Variants in CELSR1 observed in about 807,000 individuals in gnomAD.
CELSR1 encodes adhesion G protein-coupled receptor C1.
In CELSR1, 110 loss-of-function variants were observed where a neutral mutation model predicts 249.1. The ratio of observed to expected loss-of-function variants is 0.44; its 90% CI spans 0.38 to 0.52. The LOEUF is 0.52. CELSR1 is among the 20% of genes least tolerant of loss of function. The pLI is 0.00. For synonymous variants in CELSR1, 2,113 were observed against 1,900.0 expected, an observed-to-expected ratio of 1.11 and a Z score of -2.92; for missense variants, 4,109 against 4,296.4, an observed-to-expected ratio of 0.96 and a Z score of 1.22.
intron 1 of CELSR1, among the ~76,000 whole-genome samples, chr22:46,501,799 G>C (rs1189613347): frequency 2.6e-5 from 4 of 152,126 alleles, no homozygotes; most frequent in Non-Finnish European, 5.9e-5. Flanking sequence ...TCCCCAAAAA[G>C]AATTCCCGAA....
chr22:46,380,194 A>T lies in CELSR1; in HGVS notation c.7256+594T>A, dbSNP rs983868874. 6.6e-6 allele frequency among the ~76,000 whole-genome samples: 1 copy of T among 152,176 alleles called. No individual in the cohort carries two copies. Among genetic ancestry groups the T allele is most frequent in the Non-Finnish European group, 1.5e-5 (1 of 68,024 alleles). On this transcript the variant is annotated intron_variant, in intron 22 of 34. Transcript: ENST00000674500. This position sits in a 1 kb window ranked among gnomAD's most constrained non-coding sequence, Gnocchi z 5.1. ...GACGAAACGCCTTTCCCTCGCTTGC[A>T]TGGATGCTAGAACACAGATTCTCGC...
In CELSR1 at chr22:46,406,354, ACAC is replaced by A. The variant is rs2147310850; in HGVS notation, c.5226+2639_5226+2641del. ...GGCCAGCTGTAATCATCCCTGGCGC[ACAC>A]CACACCTTCCAGGCAATCCGAGAGG... On this transcript the variant is annotated intron_variant, in intron 9 of 34. Coordinates refer to ENST00000674500, the MANE Select transcript of CELSR1 (RefSeq NM_001378328.1). This position sits in a 1 kb window ranked among gnomAD's most constrained non-coding sequence, Gnocchi z 5.4. 6.6e-6 allele frequency among the ~76,000 whole-genome samples: 1 copy of A among 152,340 alleles called. No homozygotes were observed. Among genetic ancestry groups the A allele is most frequent in the South Asian group, 2.1e-4 (1 of 4,826 alleles).
intron 32 of CELSR1, 74 bp downstream of exon 32, chr22:46,365,157 C>G: frequency 6.5e-7 from 1 of 1,529,852 alleles, no homozygotes; most frequent in Non-Finnish European, 8.8e-7. Flanking sequence ...AGGAAGGGAC[C>G]CAGCCATAGC....
intron 2 of CELSR1, among the ~76,000 whole-genome samples, chr22:46,459,887 C>A (rs978275746): frequency 3.3e-5 from 5 of 152,082 alleles, no homozygotes; most frequent in Non-Finnish European, 5.9e-5. Context: ...GAGCAGTAAC[C>A]AGCAGAGCAG....
chr22:46,536,463 GCC>G lies in CELSR1; in HGVS notation c.706_707del (p.Gly236HisfsTer20), dbSNP rs1291160184. The G allele has an allele frequency of 6.2e-7, 1 of 1,606,720 alleles. No homozygotes were observed. Among genetic ancestry groups the G allele is most frequent in the Admixed American group, 1.7e-5 (1 of 59,488 alleles). Reference protein sequence around the residue: ...RAGPARRARRGTSGRGSLKFP... With the variant: ...RAGPARRARRXTSGRGSLKFP... ...ACTTCAGGCTCCCTCTGCCGCTCGT[GCC>G]CCGCCGGGCCCGTCGCGCCGGCCCC... On this transcript the variant is annotated frameshift_variant, in exon 1 of 35. Coordinates refer to ENST00000674500, the MANE Select transcript of CELSR1 (RefSeq NM_001378328.1). LOFTEE classifies it high-confidence loss of function.
At chr22:46,522,871 T>A (rs960278873) in intron 1 of CELSR1, among the ~76,000 whole-genome samples, 1 of 152,178 alleles carries the variant, frequency 6.6e-6, no homozygotes, top group Non-Finnish European at 1.5e-5. Context: ...CCAGGCCTCA[T>A]CTCTGGTGAA....
In CELSR1 at chr22:46,429,512, C is replaced by A. The variant is rs1176616444; in HGVS notation, c.4611+3881G>T. Among the ~76,000 whole-genome samples, 1 of 152,238 alleles carries A rather than the reference C, an allele frequency of 6.6e-6. No homozygotes were observed. The highest frequency in any genetic ancestry group is 1.5e-5 in the Non-Finnish European group (1 of 68,042). ...AAGTGCCTGCCTTTGAAAAGACCGT[C>A]CTGGAAAAACGTCCGACTCCAATGT... On this transcript the variant is annotated intron_variant, in intron 5 of 34. Coordinates refer to ENST00000674500, the MANE Select transcript of CELSR1 (RefSeq NM_001378328.1). This position sits in a 1 kb window ranked among gnomAD's most constrained non-coding sequence, Gnocchi z 4.1.
chr22:46,382,747 C>T (rs938591141), intron 20 of CELSR1, among the ~76,000 whole-genome samples: 5 of 152,160 alleles, frequency 3.3e-5, no homozygotes, highest in African/African-American at 7.2e-5. Context: ...ACAGTTGCTG[C>T]GGCGCAGGTG....
intron 1 of CELSR1, among the ~76,000 whole-genome samples, chr22:46,466,228 G>C (rs2080094971): frequency 6.6e-6 from 1 of 152,220 alleles, no homozygotes; most frequent in Admixed American, 6.5e-5. Context: ...GACGGCCTCA[G>C]AGAGTGCGTT....
chr22:46,535,637 G>A lies in CELSR1; in HGVS notation c.1534C>T (p.Leu512=), dbSNP rs779240351. Residue 512 remains leucine (L), a synonymous_variant, in exon 1 of 35, where the codon CTG becomes TTG. Coordinates refer to ENST00000674500, the MANE Select transcript of CELSR1 (RefSeq NM_001378328.1). Reference sequence around the variant, plus strand: ...TTGATCACATCCAGGATCCCGCTCAGCGAGTGCAGGTAGAACTGGCCGGCC... The same window carrying A: ...TTGATCACATCCAGGATCCCGCTCAACGAGTGCAGGTAGAACTGGCCGGCC... ...NVAGQFYLHS[L]SGILDVINPL... The A allele has an allele frequency of 1.1e-5, 17 of 1,613,256 alleles. No individual in the cohort carries two copies. Among genetic ancestry groups the A allele is most frequent in the African/African-American group, 2.7e-5 (2 of 74,944 alleles).
chr22:46,399,822 C>T lies in CELSR1; in HGVS notation c.5307G>A (p.Val1769=), dbSNP rs2079191714. ...GCAGGTGGTGCCACTCCCCGTCGGTCACCCGCAACCCGGACAGCATCACGG... is the reference window on the plus strand; with the variant it reads ...GCAGGTGGTGCCACTCCCCGTCGGTTACCCGCAACCCGGACAGCATCACGG... ...VESVMLSGLR[V]TDGEWHHLLI... is the part of the protein sequence containing the mutation. The change falls in exon 10 of 35, where the codon GTG becomes GTA. Residue 1769 remains valine, a synonymous_variant. Transcript: ENST00000674500. The surrounding 1 kb of genome is among the most constrained non-coding windows in gnomAD (Gnocchi z 5.0). 1.2e-6 allele frequency: 2 copies of T among 1,614,050 alleles called. No homozygotes were observed. The highest frequency in any genetic ancestry group is 2.7e-5 in the African/African-American group (2 of 74,924).
chr22:46,439,233 G>A lies in CELSR1; in HGVS notation c.4362C>T (p.Thr1454=), dbSNP rs866864102. Residue 1454 remains threonine (T), a synonymous_variant, in exon 3 of 35, where the codon ACC becomes ACT. Transcript: ENST00000674500. ...GGAAGCGCTGTCTCAGGCCCCGGAAGGTGACGAAGGACTGGGGCGGGAAGC... is the reference window on the plus strand; with the variant it reads ...GGAAGCGCTGTCTCAGGCCCCGGAAAGTGACGAAGGACTGGGGCGGGAAGC... The part of the protein sequence containing the change: ...TRSFPPQSFV[T]FRGLRQRFHF... 1.2e-6 allele frequency: 2 copies of A among 1,614,066 alleles called. No homozygotes were observed. Among genetic ancestry groups the A allele is most frequent in the Non-Finnish European group, 1.7e-6 (2 of 1,179,986 alleles).
chr22:46,478,852 G>A (rs1363990687), intron 1 of CELSR1, among the ~76,000 whole-genome samples: 5 of 151,638 alleles, frequency 3.3e-5, no homozygotes, highest in East Asian at 1.9e-4. Flanking sequence ...GTGCCCAGCC[G>A]AAGATGAGAC....
In CELSR1 at chr22:46,398,282, G is replaced by C. The variant is rs574948692; in HGVS notation, c.5526+242C>G. Among the ~76,000 whole-genome samples the C allele has an allele frequency of 3.7e-4, 56 of 152,316 alleles. No homozygotes were observed. Among genetic ancestry groups the C allele is most frequent in the African/African-American group, 9.1e-4 (38 of 41,570 alleles). On this transcript the variant is annotated intron_variant, in intron 11 of 34. Transcript: ENST00000674500. This position sits in a 1 kb window ranked among gnomAD's most constrained non-coding sequence, Gnocchi z 7.2. ...GACACTTCACAAAGGCAGAGGGGCA[G>C]GTGGCTGGCATGGCGGTGGGGAGCT... is the stretch of plus-strand genomic sequence containing the variant.
chr22:46,520,729 T>C (rs2080677165), intron 1 of CELSR1, among the ~76,000 whole-genome samples: 1 of 152,202 alleles, frequency 6.6e-6, no homozygotes, highest in Admixed American at 6.5e-5. Flanking sequence ...CCCAAAGTGC[T>C]AGGATTACAG....
chr22:46,365,752 T>A, intron 30 of CELSR1, 63 bp from the exon 31 acceptor site: 1 of 1,337,914 alleles, frequency 7.5e-7, no homozygotes, highest in Non-Finnish European at 1.0e-6. Context: ...TGCTGGAAAG[T>A]TCTCTGGAAG....
intron 5 of CELSR1, among the ~76,000 whole-genome samples, chr22:46,418,327 A>G (rs957938748): frequency 4.6e-5 from 7 of 152,116 alleles, no homozygotes; most frequent in African/African-American, 1.7e-4. Flanking sequence ...CTGAAAAAAT[A>G]CAAAAAAAAT....
At position 46,390,856 on chromosome 22, in the gene CELSR1, A is replaced by T. The variant is rs1212948022; in HGVS notation, c.6250+330T>A. ...TCCAGACGCCCCTCACAGAGTGGAC[A>T]CAGTCAATGTCCCCATTTCACAGAG... On this transcript the variant is annotated intron_variant, in intron 16 of 34. Coordinates refer to ENST00000674500, the MANE Select transcript of CELSR1 (RefSeq NM_001378328.1). The surrounding 1 kb of genome is among the most constrained non-coding windows in gnomAD (Gnocchi z 6.3). 2.0e-5 allele frequency among the ~76,000 whole-genome samples: 3 copies of T among 152,174 alleles called. No individual in the cohort carries two copies.
rs1370812956 is a variant in CELSR1 at position 46,361,756 on chromosome 22, A to G, written c.*1467T>C. On this transcript the variant is annotated 3_prime_UTR_variant, in exon 35 of 35. Transcript: ENST00000674500. ...CATCTTTGCATTTTACTTGATTTTC[A>G]TCCTATTTTATGGTTTCTCCTATTT... 6.6e-6 allele frequency: 1 copy of G among 152,178 alleles called. No individual in the cohort carries two copies. Among genetic ancestry groups the G allele is most frequent in the Non-Finnish European group, 1.5e-5 (1 of 68,034 alleles). 9.4% of individuals were successfully genotyped at this position (152,178 alleles called of 1,614,324 possible). A position where few individuals can be genotyped will look rare whatever the true frequency, so the allele number is the denominator to read the frequency against.
Sources: allele counts gnomAD v4.1 joint callset (sites outside exome capture counted in the v4.1 genomes callset), GRCh38; gene constraint gnomAD v4.1.1; non-coding constraint Gnocchi (gnomAD v3.1); transcripts MANE v1.5; gene names NCBI Gene and HGNC (gene_info 2026-07-23, HGNC 2026-07-21).